MGMT: variants seen among roughly 807,000 people sequenced by gnomAD.
MGMT encodes methylated-DNA--protein-cysteine methyltransferase.
Under a neutral mutation model 15.9 loss-of-function variants are expected in MGMT, and 14 were observed. The ratio of observed to expected loss-of-function variants is 0.88; its 90% CI spans 0.58 to 1.37. MGMT has a LOEUF of 1.37. Among genes scored for constraint, MGMT ranks in the 40% most tolerant of loss-of-function variants. The pLI, the probability that MGMT is intolerant of heterozygous loss-of-function variation, is 0.00. For missense variants in MGMT, 282 were observed against 268.1 expected (o/e 1.05, Z -0.36); for synonymous variants, 130 against 118.2 (o/e 1.10, Z -0.65).
intron 1 of MGMT, among the ~76,000 whole-genome samples, chr10:129,480,920 T>C (rs925628935): frequency 2.0e-5 from 3 of 152,236 alleles, no homozygotes; most frequent in African/African-American, 7.2e-5. Context: ...GTCTCTGCCA[T>C]TTGCGGAGCC....
intron 2 of MGMT, chr10:129,537,217 A>G (rs1032941041): frequency 2.6e-5 from 4 of 152,168 alleles, no homozygotes; most frequent in Non-Finnish European, 4.4e-5. Flanking sequence ...ACACAATGCC[A>G]AGAACATTAG....
chr10:129,595,593 G>A (rs905762236), intron 2 of MGMT, among the ~76,000 whole-genome samples: 7 of 152,140 alleles, frequency 4.6e-5, no homozygotes, highest in African/African-American at 9.7e-5. Context: ...GACTGGATGC[G>A]TTTATGTGGG....
At chr10:129,500,892 C>G (rs1845568023) in intron 1 of MGMT, among the ~76,000 whole-genome samples, 1 of 152,180 alleles carries the variant, frequency 6.6e-6, no homozygotes, top group African/African-American at 2.4e-5. Flanking sequence ...GTTACTTTGC[C>G]TAAACAGTTC....
chr10:129,549,417 C>G (rs996901548), intron 2 of MGMT, among the ~76,000 whole-genome samples: 1 of 152,286 alleles, frequency 6.6e-6, no homozygotes, highest in Admixed American at 6.5e-5. Flanking sequence ...TTTATAGTTG[C>G]ATTTTTAGCC....
chr10:129,497,734 C>T (rs1845536764), intron 1 of MGMT, among the ~76,000 whole-genome samples: 1 of 152,156 alleles, frequency 6.6e-6, no homozygotes, highest in Non-Finnish European at 1.5e-5. Context: ...GAGGTGGGGC[C>T]TTTGGGCAAT....
At chr10:129,720,409 G>A (rs576541140) in intron 3 of MGMT, among the ~76,000 whole-genome samples, 3 of 152,258 alleles carry the variant, frequency 2.0e-5, no homozygotes, top group South Asian at 2.1e-4. Context: ...CACAGCCCTC[G>A]CGGCCTTGGG....
intron 2 of MGMT, among the ~76,000 whole-genome samples, chr10:129,640,794 G>A (rs1041385270): frequency 6.6e-5 from 10 of 152,186 alleles, no homozygotes; most frequent in African/African-American, 2.4e-4. Context: ...TCTTATGAAT[G>A]TAAGACTGTT....
chr10:129,496,483 C>G (rs1845522986), intron 1 of MGMT, among the ~76,000 whole-genome samples: 1 of 152,172 alleles, frequency 6.6e-6, no homozygotes, highest in Non-Finnish European at 1.5e-5. Context: ...CCTAGCGGTG[C>G]TTGCAACCTC....
intron 3 of MGMT, among the ~76,000 whole-genome samples, chr10:129,743,594 G>A (rs928918566): frequency 1.3e-5 from 2 of 152,214 alleles, no homozygotes; most frequent in Non-Finnish European, 2.9e-5. Flanking sequence ...TCAAGTGCAA[G>A]TGCGTGCATT....
intron 2 of MGMT, among the ~76,000 whole-genome samples, chr10:129,646,047 C>T (rs773743487): frequency 1.2e-4 from 18 of 152,154 alleles, no homozygotes; most frequent in Non-Finnish European, 2.2e-4. Context: ...TTACTAATAG[C>T]ATTTGTTCAA....
At chr10:129,562,247 T>C (rs1342388240) in intron 2 of MGMT, among the ~76,000 whole-genome samples, 1 of 152,232 alleles carries the variant, frequency 6.6e-6, no homozygotes, top group Non-Finnish European at 1.5e-5. Context: ...TGTGAGTCTC[T>C]TGATAGAGCG....
At chr10:129,649,809 G>A (rs1408478844) in intron 2 of MGMT, among the ~76,000 whole-genome samples, 1 of 152,214 alleles carries the variant, frequency 6.6e-6, no homozygotes, top group East Asian at 1.9e-4. Flanking sequence ...ACCCAGGAAA[G>A]ATGTTAAGTG....
chr10:129,583,894 A>G (rs897851502), intron 2 of MGMT, among the ~76,000 whole-genome samples: 3 of 152,094 alleles, frequency 2.0e-5, no homozygotes, highest in East Asian at 1.9e-4. Context: ...TGGGCCATAC[A>G]GTCTATGTGT....
At chr10:129,487,941 A>G (rs1398416273) in intron 1 of MGMT, among the ~76,000 whole-genome samples, 2 of 147,388 alleles carry the variant, frequency 1.4e-5, no homozygotes, top group Non-Finnish European at 3.0e-5. Context: ...GTGTGTATAT[A>G]TATACACACA....
rs577573032 is a variant in MGMT, at chr10:129,589,005, G to A, written c.125+52628G>A. Among the ~76,000 whole-genome samples, 8 of 152,348 alleles carry A rather than the reference G, an allele frequency of 5.3e-5. No homozygotes were observed. In the East Asian group the frequency reaches 1.2e-3, roughly 22 times the overall value. On this transcript the variant is annotated intron_variant, in intron 2 of 4. Coordinates refer to ENST00000651593, the MANE Select transcript of MGMT (RefSeq NM_002412.5). ...AGTTGCTTTAGACCCTGGTGGTCTG[G>A]ATACTGCTTCACTGTAGGCTTTAAT...
chr10:129,586,963 A>G (rs919922867), intron 2 of MGMT, among the ~76,000 whole-genome samples: 3 of 152,200 alleles, frequency 2.0e-5, no homozygotes, highest in Non-Finnish European at 4.4e-5. Context: ...TAGTGTTTTT[A>G]ATGTCTGAAA....
chr10:129,537,875 G>C lies in MGMT; in HGVS notation c.125+1498G>C, dbSNP rs74160218. On this transcript the variant is annotated intron_variant, in intron 2 of 4. Transcript: ENST00000651593. ...GTGCCTTCATGGCCCCTGGGAACTT[G>C]GGCTCCTCTGAGCTTGGGGTCTCCA... Among the ~76,000 whole-genome samples, 1,170 of 152,244 alleles carry C rather than the reference G, an allele frequency of 7.7e-3. 21 individuals are homozygous for C. Among genetic ancestry groups the C allele is most frequent in the African/African-American group, 0.027 (1,130 of 41,534 alleles).
chr10:129,545,788 T>C (rs1846092045), intron 2 of MGMT, among the ~76,000 whole-genome samples: 1 of 152,260 alleles, frequency 6.6e-6, no homozygotes, highest in Non-Finnish European at 1.5e-5. Context: ...AATGAATAGT[T>C]TTCAGTTTTG....
At chr10:129,575,906 C>A (rs1170684521) in intron 2 of MGMT, among the ~76,000 whole-genome samples, 8 of 152,024 alleles carry the variant, frequency 5.3e-5, no homozygotes, top group Non-Finnish European at 8.8e-5. Context: ...ACTATAAACA[C>A]CTCTATGCAA....
Sources: gnomAD v4.1 joint callset for allele counts (sites outside exome capture counted in the v4.1 genomes callset) on GRCh38, gnomAD v4.1.1 for gene constraint, MANE v1.5 for transcripts, NCBI Gene and HGNC (gene_info 2026-07-23, HGNC 2026-07-21) for gene names.